The following CNTN5 variants were observed in gnomAD, a reference collection of about 807,000 sequenced individuals.
CNTN5 encodes contactin-5.
Under a neutral mutation model 129.1 loss-of-function variants are expected in CNTN5, and 77 were observed. The ratio of observed to expected loss-of-function variants is 0.60; its 90% CI spans 0.50 to 0.72. CNTN5 has a LOEUF of 0.72. Among genes scored for constraint, CNTN5 ranks in the 30% least tolerant of loss-of-function variants. The pLI is 0.00. For synonymous variants in CNTN5, 509 were observed against 465.6 expected, an observed-to-expected ratio of 1.09 and a Z score of -1.20; for missense variants, 1,478 against 1,328.8, an observed-to-expected ratio of 1.11 and a Z score of -1.75.
chr11:99,203,929 C>T (rs556928767), intron 1 of CNTN5, among the ~76,000 whole-genome samples: 33 of 152,248 alleles, frequency 2.2e-4, no homozygotes, highest in Non-Finnish European at 3.8e-4. Flanking sequence ...AAGTGCCATT[C>T]CATCTATGTC....
At chr11:99,661,134 A>AT (rs1952578821) in intron 3 of CNTN5, among the ~76,000 whole-genome samples, 1 of 152,142 alleles carries the variant, frequency 6.6e-6, no homozygotes, top group Non-Finnish European at 1.5e-5. Flanking sequence ...TATGGGTAGT[A>AT]TTAACCTCAG....
intron 13 of CNTN5, among the ~76,000 whole-genome samples, chr11:100,170,072 G>A (rs1565309927): frequency 1.3e-5 from 2 of 151,944 alleles, no homozygotes; most frequent in African/African-American, 2.4e-5. Flanking sequence ...CTGACCCATG[G>A]AAGGCACTCC....
At chr11:100,228,883 C>A (rs543931103) in intron 16 of CNTN5, among the ~76,000 whole-genome samples, 2 of 152,260 alleles carry the variant, frequency 1.3e-5, no homozygotes, top group Non-Finnish European at 2.9e-5. Flanking sequence ...ATAAGCAGAG[C>A]TGTGGGGCTG....
intron 2 of CNTN5, among the ~76,000 whole-genome samples, chr11:99,341,489 A>T (rs908913680): frequency 3.9e-5 from 6 of 152,144 alleles, no homozygotes; most frequent in Non-Finnish European, 7.4e-5. Flanking sequence ...TTTGAATCCC[A>T]ATTCTAGTAA....
intron 4 of CNTN5, among the ~76,000 whole-genome samples, chr11:99,827,810 C>T (rs974151765): frequency 1.3e-5 from 2 of 152,124 alleles, no homozygotes; most frequent in Non-Finnish European, 2.9e-5. Context: ...AGAATGCTTT[C>T]TGAATGTTTG....
At chr11:100,186,634 T>A (rs951363691) in intron 13 of CNTN5, among the ~76,000 whole-genome samples, 5 of 152,082 alleles carry the variant, frequency 3.3e-5, no homozygotes, top group African/African-American at 1.2e-4. Context: ...TGTGACTTGA[T>A]CTTGAATGCA....
At chr11:100,246,318 A>C (rs1252584914) in intron 16 of CNTN5, among the ~76,000 whole-genome samples, 1 of 152,194 alleles carries the variant, frequency 6.6e-6, no homozygotes, top group African/African-American at 2.4e-5. Flanking sequence ...CTGAGACTTA[A>C]TGAGGTTCAG....
At chr11:99,667,962 A>G (rs1380532879) in intron 3 of CNTN5, among the ~76,000 whole-genome samples, 1 of 152,150 alleles carries the variant, frequency 6.6e-6, no homozygotes, top group Non-Finnish European at 1.5e-5. Context: ...AAGAAAAAAA[A>G]AATCCTGGCT....
At chr11:99,110,528 G>A (rs1054222381) in intron 1 of CNTN5, among the ~76,000 whole-genome samples, 1 of 152,088 alleles carries the variant, frequency 6.6e-6, no homozygotes. Flanking sequence ...AGCAAAGGTG[G>A]TACTTCTACT....
rs78509730 is a variant in CNTN5 at position 99,279,831 on chromosome 11, A to G, written c.-209-45515A>G. Among the ~76,000 whole-genome samples, 6 of 151,750 alleles carry G rather than the reference A, an allele frequency of 4.0e-5. No homozygotes were observed. The East Asian group carries it at 1.2e-3, about 30-fold the overall frequency. ...TCAAAAGTAACGCAGCTTTTGCACA[A>G]AAGTGTGTATTATCAGTAATTACAG... On this transcript the variant is annotated intron_variant, in intron 1 of 24. Transcript: ENST00000524871.
chr11:99,466,815 AT>A (rs1313528090), intron 2 of CNTN5, among the ~76,000 whole-genome samples: 1 of 152,020 alleles, frequency 6.6e-6, no homozygotes, highest in African/African-American at 2.4e-5. Context: ...ACATAAGGAC[AT>A]TTTTATTTTG....
At chr11:99,466,319 C>T (rs879002367) in intron 2 of CNTN5, among the ~76,000 whole-genome samples, 1 of 152,172 alleles carries the variant, frequency 6.6e-6, no homozygotes, top group Non-Finnish European at 1.5e-5. Context: ...TACAATTCGA[C>T]ATGAGATTTG....
intron 2 of CNTN5, among the ~76,000 whole-genome samples, chr11:99,467,665 T>TCCC (rs1944999487): frequency 6.6e-6 from 1 of 152,122 alleles, no homozygotes. Context: ...TATCTTAACT[T>TCCC]TATGCTTTTT....
At chr11:100,131,290 A>C (rs959353742) in intron 13 of CNTN5, among the ~76,000 whole-genome samples, 1 of 152,062 alleles carries the variant, frequency 6.6e-6, no homozygotes, top group Non-Finnish European at 1.5e-5. Flanking sequence ...AAAGGAAAGA[A>C]GGATTTCAGG....
At chr11:99,695,474 C>T (rs1265515962) in intron 3 of CNTN5, among the ~76,000 whole-genome samples, 1 of 152,026 alleles carries the variant, frequency 6.6e-6, no homozygotes, top group African/African-American at 2.4e-5. Flanking sequence ...TCAGCTTTAG[C>T]ATAGAGTTAA....
intron 15 of CNTN5, among the ~76,000 whole-genome samples, chr11:100,197,454 A>G (rs1275294818): frequency 1.3e-5 from 2 of 151,928 alleles, no homozygotes; most frequent in Admixed American, 6.6e-5. Flanking sequence ...TAATAAGGAG[A>G]TAATCGTTGT....
In CNTN5 at chr11:100,038,488, T is replaced by G. The variant is rs564869913; in HGVS notation, c.981-22724T>G. Among the ~76,000 whole-genome samples the G allele has an allele frequency of 5.3e-5, 8 of 152,334 alleles. No individual in the cohort carries two copies. The South Asian group carries it at 1.7e-3, about 32-fold the overall frequency. ...TTCTGTAAATGTCTGTTAGGTCTGCTTGGTGCAGAGCTGAGTTCAATTGCT... is the reference window on the plus strand; with the variant it reads ...TTCTGTAAATGTCTGTTAGGTCTGCGTGGTGCAGAGCTGAGTTCAATTGCT... On this transcript the variant is annotated intron_variant, in intron 9 of 24. Coordinates refer to ENST00000524871, the MANE Select transcript of CNTN5 (RefSeq NM_014361.4).
At chr11:99,184,047 T>C (rs1858218570) in intron 1 of CNTN5, among the ~76,000 whole-genome samples, 1 of 152,084 alleles carries the variant, frequency 6.6e-6, no homozygotes, top group South Asian at 2.1e-4. Flanking sequence ...TTGCCTCCAC[T>C]CTGGCTGTCA....
rs185504707 is a variant in CNTN5, at chr11:100,261,483, T to G, written c.2164+5565T>G. ...ATGTGGAACCAAAAAAGAGCCCGCA[T>G]AGCCAAGACAATCCTAAGCAAAAAG... On this transcript the variant is annotated intron_variant, in intron 17 of 24. Transcript: ENST00000524871. Among the ~76,000 whole-genome samples, 439 of 152,304 alleles carry G rather than the reference T, an allele frequency of 2.9e-3. 1 individual carries two copies. The highest frequency in any genetic ancestry group is 0.01 in the African/African-American group (422 of 41,582).
Sources: gnomAD v4.1 joint callset for allele counts (sites outside exome capture counted in the v4.1 genomes callset) on GRCh38, gnomAD v4.1.1 for gene constraint, MANE v1.5 for transcripts, NCBI Gene and HGNC (gene_info 2026-07-23, HGNC 2026-07-21) for gene names.